GLYAT: variants seen among roughly 807,000 people sequenced by gnomAD.
GLYAT encodes glycine N-acyltransferase.
A neutral mutation model predicts 22.8 loss-of-function variants in GLYAT; 25 were observed. The ratio of observed to expected loss-of-function variants is 1.09; its 90% confidence interval spans 0.80 to 1.53. The LOEUF (loss-of-function observed/expected upper bound fraction) is 1.53, where lower values mean the gene tolerates loss of function less well. GLYAT is among the 40% of genes most tolerant of loss of function. The pLI is 0.00. For synonymous variants in GLYAT, 140 were observed against 122.7 expected, an observed-to-expected ratio of 1.14 and a Z score of -0.93; for missense variants, 411 against 353.9, an observed-to-expected ratio of 1.16 and a Z score of -1.29.
In GLYAT at chr11:58,709,927, T is replaced by G. The variant is rs769589032; in HGVS notation, c.730A>C (p.Thr244Pro). The G allele has an allele frequency of 1.2e-6, 2 of 1,614,070 alleles. No homozygotes were observed. The highest frequency in any genetic ancestry group is 2.2e-5 in the South Asian group (2 of 91,084). The stretch of plus-strand genomic sequence containing the variant: ...TGGGCGTGGGAATAGATGACATACG[T>G]CACAAGGCCATGGAGCCGGTATTCC... ...LPEYRLHGLV[T>P]YVIYSHAQKL... Residue 244 changes from threonine to proline, a missense_variant, in exon 6 of 6, where the codon ACG becomes CCG. Thr to Pro is a conservative substitution (Grantham distance 38, BLOSUM62 -1). Transcript: ENST00000344743.
rs182567490 is a variant in GLYAT, at chr11:58,713,691, T to A, written c.190-805A>T. The stretch of plus-strand genomic sequence containing the variant: ...GATACAATTATTTACAGGAAGAAGG[T>A]GGATGAAAATATTACCACAACTATT... On this transcript the variant is annotated intron_variant, in intron 3 of 5. Coordinates refer to ENST00000344743, the MANE Select transcript of GLYAT (RefSeq NM_201648.3). Among the ~76,000 whole-genome samples the A allele has an allele frequency of 9.2e-5, 14 of 152,182 alleles. No individual in the cohort carries two copies. In the East Asian group the frequency reaches 2.7e-3, roughly 29 times the overall value.
At chr11:58,711,293 C>T (rs1397926563) in intron 4 of GLYAT, among the ~76,000 whole-genome samples, 2 of 152,148 alleles carry the variant, frequency 1.3e-5, no homozygotes, top group Admixed American at 6.5e-5. Context: ...GGCCCTGTTC[C>T]AGCCAATGGA....
At chr11:58,710,958 T>C (rs1050108063) in intron 4 of GLYAT, among the ~76,000 whole-genome samples, 197 bp from the exon 5 acceptor site, 3 of 152,176 alleles carry the variant, frequency 2.0e-5, no homozygotes, top group Non-Finnish European at 4.4e-5. Context: ...CCCCATCTAA[T>C]TAAGAATCAA....
intron 2 of GLYAT, among the ~76,000 whole-genome samples, chr11:58,718,746 T>C (rs151202808): frequency 1.7e-3 from 254 of 152,062 alleles, no homozygotes; most frequent in African/African-American, 5.9e-3. Flanking sequence ...TAGCTGATTA[T>C]AAAACCACCT....
chr11:58,713,908 A>G (rs1034207831), intron 3 of GLYAT, among the ~76,000 whole-genome samples: 2 of 152,038 alleles, frequency 1.3e-5, no homozygotes, highest in Non-Finnish European at 2.9e-5. Flanking sequence ...TTTTATTTTG[A>G]TTGGCAAATA....
At chr11:58,719,571 T>C (rs745762665) in intron 2 of GLYAT, among the ~76,000 whole-genome samples, 3 of 151,964 alleles carry the variant, frequency 2.0e-5, no homozygotes, top group Non-Finnish European at 2.9e-5. Context: ...AACTCCTCCA[T>C]GATAGTCCCT....
intron 2 of GLYAT, among the ~76,000 whole-genome samples, chr11:58,718,135 A>T (rs1278755395): frequency 2.0e-5 from 3 of 152,044 alleles, no homozygotes; most frequent in African/African-American, 4.8e-5. Context: ...GAAAGCAGTT[A>T]AAGCCTTAGT....
At chr11:58,721,814 T>G (rs910588772) in intron 2 of GLYAT, among the ~76,000 whole-genome samples, 4 of 151,948 alleles carry the variant, frequency 2.6e-5, no homozygotes, top group Non-Finnish European at 4.4e-5. Context: ...TTTTTTTTTC[T>G]CTTTTGCTAG....
At chr11:58,713,182 G>A (rs1481039477) in intron 3 of GLYAT, among the ~76,000 whole-genome samples, 1 of 152,078 alleles carries the variant, frequency 6.6e-6, no homozygotes, top group Non-Finnish European at 1.5e-5. Context: ...ATACATTGCT[G>A]TTAACTATAG....
At chr11:58,726,128 T>C (rs935481071) in intron 1 of GLYAT, among the ~76,000 whole-genome samples, 2 of 151,904 alleles carry the variant, frequency 1.3e-5, no homozygotes, top group African/African-American at 4.8e-5. Context: ...CCAATTATTA[T>C]TTTAGAGAGA....
chr11:58,725,778 T>C (rs1856805694), intron 1 of GLYAT, among the ~76,000 whole-genome samples: 2 of 152,192 alleles, frequency 1.3e-5, no homozygotes, highest in South Asian at 4.1e-4. Flanking sequence ...CTGAGTTTTA[T>C]ATGTAGGCAT....
chr11:58,731,649 A>G (rs1442680524), intron 1 of GLYAT, among the ~76,000 whole-genome samples, 186 bp downstream of exon 1: 4 of 152,188 alleles, frequency 2.6e-5, no homozygotes, highest in Non-Finnish European at 5.9e-5. Context: ...GCAAATTAAT[A>G]TATCTATTAC....
intron 2 of GLYAT, among the ~76,000 whole-genome samples, chr11:58,718,003 G>A (rs1425434956): frequency 1.3e-5 from 2 of 151,970 alleles, no homozygotes; most frequent in Non-Finnish European, 2.9e-5. Context: ...GTGTCTGTTA[G>A]AAAGTGACAT....
intron 3 of GLYAT, among the ~76,000 whole-genome samples, chr11:58,713,191 A>G (rs1329370705): frequency 6.6e-6 from 1 of 152,176 alleles, no homozygotes; most frequent in Non-Finnish European, 1.5e-5. Context: ...TGTTAACTAT[A>G]GTCATCCTAT....
intron 2 of GLYAT, among the ~76,000 whole-genome samples, chr11:58,718,716 G>A (rs1856713339): frequency 6.6e-6 from 1 of 151,008 alleles, no homozygotes; most frequent in Non-Finnish European, 1.5e-5. Flanking sequence ...CCACATTTAA[G>A]AGCACCTGTT....
At chr11:58,725,988 G>C (rs1301839517) in intron 1 of GLYAT, among the ~76,000 whole-genome samples, 1 of 152,120 alleles carries the variant, frequency 6.6e-6, no homozygotes, top group African/African-American at 2.4e-5. Flanking sequence ...CTGTCATTTT[G>C]CCTCTGAATG....
At chr11:58,726,291 G>T (rs1856811305) in intron 1 of GLYAT, among the ~76,000 whole-genome samples, 1 of 151,978 alleles carries the variant, frequency 6.6e-6, no homozygotes, top group Non-Finnish European at 1.5e-5. Context: ...CAATTATTTG[G>T]GGAATATAGA....
chr11:58,727,163 G>T (rs1856819607), intron 1 of GLYAT, among the ~76,000 whole-genome samples: 1 of 152,120 alleles, frequency 6.6e-6, no homozygotes, highest in African/African-American at 2.4e-5. Flanking sequence ...TTCAATTAGT[G>T]TCTTTTTTGG....
At chr11:58,721,316 T>C (rs529379750) in intron 2 of GLYAT, among the ~76,000 whole-genome samples, 3 of 152,044 alleles carry the variant, frequency 2.0e-5, no homozygotes, top group East Asian at 3.9e-4. Context: ...AGTCTGGTGA[T>C]GATAGAAGGA....
Sources: allele counts gnomAD v4.1 joint callset (sites outside exome capture counted in the v4.1 genomes callset), GRCh38; gene constraint gnomAD v4.1.1; transcripts MANE v1.5; gene names NCBI Gene and HGNC (gene_info 2026-07-23, HGNC 2026-07-21).